IRGM: variants seen among roughly 807,000 people sequenced by gnomAD.
IRGM encodes immunity related GTPase M, also known as immunity-related GTPase family M protein.
For synonymous variants in IRGM, 98 were observed against 80.6 expected, an observed-to-expected ratio of 1.22 and a Z score of -1.16; for missense variants, 288 against 219.9, an observed-to-expected ratio of 1.31 and a Z score of -1.96.
chr5:150,879,829 G>A (rs989184943), intron 3 of IRGM, among the ~76,000 whole-genome samples: 1 of 152,190 alleles, frequency 6.6e-6, no homozygotes, highest in Non-Finnish European at 1.5e-5. Flanking sequence ...TTACTTCTTA[G>A]GGTGGCTTCT....
intron 3 of IRGM, among the ~76,000 whole-genome samples, chr5:150,887,307 T>A (rs1754539866): frequency 6.6e-6 from 1 of 151,776 alleles, no homozygotes; most frequent in Non-Finnish European, 1.5e-5. Flanking sequence ...TCACAAGTAA[T>A]AACAACAGAA....
In IRGM at chr5:150,848,035, T is replaced by C. The variant is rs1324068271; in HGVS notation, c.-89T>C. ...CCAGGATGGTCTCAATCTCCTGACC[T>C]CGTGATCTGCTCGCCTCGGCCTTCC... is the stretch of plus-strand genomic sequence containing the variant. On this transcript the variant is annotated 5_prime_UTR_variant, in exon 2 of 2. Transcript: ENST00000522154. 9.8e-7 allele frequency: 1 copy of C among 1,016,858 alleles called. No homozygotes were observed. The highest frequency in any genetic ancestry group is 1.4e-6 in the Non-Finnish European group (1 of 701,454). The allele number at this position is 1,016,858 out of a possible 1,614,324, so 63.0% of individuals were successfully genotyped here. A position where few individuals can be genotyped will look rare whatever the true frequency, so the allele number is the denominator to read the frequency against.
chr5:150,864,488 C>A (rs1193377238), intron 1 of IRGM, among the ~76,000 whole-genome samples: 6 of 152,130 alleles, frequency 3.9e-5, no homozygotes, highest in Non-Finnish European at 8.8e-5. Flanking sequence ...AGCTGTATGT[C>A]TTCGTCATTA....
intron 2 of IRGM, chr5:150,878,124 A>G (rs1001652941): frequency 2.4e-6 from 1 of 421,374 alleles, no homozygotes; most frequent in Non-Finnish European, 4.6e-6. Context: ...GGTGAGAAAA[A>G]AAAATCTTCA....
At chr5:150,863,006 G>C (rs78282250) in intron 1 of IRGM, among the ~76,000 whole-genome samples, 5,932 of 152,256 alleles carry the variant, frequency 0.039, 194 homozygotes, top group East Asian at 0.18. Flanking sequence ...AGAATTTATG[G>C]GGGAGTTGAG....
intron 1 of IRGM, among the ~76,000 whole-genome samples, chr5:150,876,993 C>T (rs1413432738): frequency 1.3e-5 from 2 of 151,980 alleles, no homozygotes; most frequent in Admixed American, 1.3e-4. Context: ...AGCATTTAAG[C>T]GTTGTTAATT....
intron 3 of IRGM, among the ~76,000 whole-genome samples, chr5:150,891,392 C>T (rs1220991735): frequency 6.6e-6 from 1 of 151,894 alleles, no homozygotes; most frequent in Non-Finnish European, 1.5e-5. Context: ...AATCTCTTCC[C>T]CTAATTGGTG....
intron 1 of IRGM, among the ~76,000 whole-genome samples, chr5:150,864,126 C>T (rs1754173442): frequency 1.3e-5 from 2 of 152,140 alleles, no homozygotes; most frequent in Admixed American, 1.3e-4. Flanking sequence ...TCCAGGGTCC[C>T]AAGAAAACAA....
chr5:150,901,000 A>G (rs1277603), downstream of IRGM, among the ~76,000 whole-genome samples: 104,613 of 151,862 alleles, frequency 0.69, 37,595 homozygotes, highest in African/African-American at 0.9. Flanking sequence ...TTTACAGCTC[A>G]GGTCCCTGGG....
At chr5:150,887,948 C>G (rs188768429) in intron 3 of IRGM, among the ~76,000 whole-genome samples, 3 of 152,000 alleles carry the variant, frequency 2.0e-5, no homozygotes, top group African/African-American at 7.2e-5. Flanking sequence ...CACACATCAA[C>G]AATAACCTTG....
chr5:150,877,480 C>T (rs1202929855), intron 1 of IRGM, among the ~76,000 whole-genome samples: 8 of 152,150 alleles, frequency 5.3e-5, no homozygotes, highest in Admixed American at 3.9e-4. Flanking sequence ...CTTCCTTGCT[C>T]CTTAGCTTGC....
intron 3 of IRGM, among the ~76,000 whole-genome samples, chr5:150,890,567 TTTC>T (rs1754594193): frequency 2.0e-5 from 3 of 150,738 alleles, no homozygotes; most frequent in Admixed American, 2.0e-4. Flanking sequence ...CATTGAGACT[TTTC>T]TTCTTTTCTA....
chr5:150,877,261 G>T (rs1299222776), intron 1 of IRGM, among the ~76,000 whole-genome samples: 1 of 152,122 alleles, frequency 6.6e-6, no homozygotes, highest in African/African-American at 2.4e-5. Flanking sequence ...ATTAACATTT[G>T]AGTCAGTGGA....
chr5:150,900,361 A>G (rs1036571214), intron 3 of IRGM, among the ~76,000 whole-genome samples: 1 of 152,038 alleles, frequency 6.6e-6, no homozygotes, highest in African/African-American at 2.4e-5. Context: ...ACTTTTACAA[A>G]TGCTGCTTCC....
chr5:150,851,972 A>G (rs112382034), downstream of IRGM, among the ~76,000 whole-genome samples: 4 of 152,346 alleles, frequency 2.6e-5, no homozygotes, highest in Non-Finnish European at 4.4e-5. Flanking sequence ...TACATGATAC[A>G]TACAGTAACA....
At chr5:150,896,129 T>C (rs1754764441) in intron 3 of IRGM, 1 of 1,613,292 alleles carries the variant, frequency 6.2e-7, no homozygotes, top group Non-Finnish European at 8.5e-7. Context: ...TTCTCTGATG[T>C]ATAATGAGGG....
At chr5:150,898,438 C>T (rs1161834760) in intron 3 of IRGM, 5 of 1,613,362 alleles carry the variant, frequency 3.1e-6, no homozygotes, top group Non-Finnish European at 4.2e-6. Context: ...CCATTGAGAC[C>T]AGGTGGCTGT....
intron 1 of IRGM, among the ~76,000 whole-genome samples, chr5:150,866,002 C>T (rs1754203031): frequency 6.6e-6 from 1 of 152,140 alleles, no homozygotes; most frequent in Non-Finnish European, 1.5e-5. Context: ...AGTGATCCAC[C>T]CGCCTTGGCC....
intron 3 of IRGM, among the ~76,000 whole-genome samples, chr5:150,887,552 G>A (rs1754544603): frequency 6.6e-6 from 1 of 151,264 alleles, no homozygotes; most frequent in African/African-American, 2.4e-5. Context: ...AACCTTGCTA[G>A]TGAGGCCAAC....
Sources: allele counts gnomAD v4.1 joint callset (sites outside exome capture counted in the v4.1 genomes callset), GRCh38; gene constraint gnomAD v4.1.1; transcripts MANE v1.5; gene names NCBI Gene and HGNC (gene_info 2026-07-23, HGNC 2026-07-21).